ZNF44: variants seen among roughly 807,000 people sequenced by gnomAD.
ZNF44 encodes gonadotropin inducible transcription repressor-2.
In ZNF44, 9 loss-of-function variants were observed where a neutral mutation model predicts 11.7. The observed-to-expected ratio is 0.77, with a 90% CI of 0.46 to 1.35. ZNF44 has a LOEUF of 1.35. Among genes scored for constraint, ZNF44 ranks in the 40% most tolerant of loss-of-function variants. The pLI, the probability that ZNF44 is intolerant of heterozygous loss-of-function variation, is 0.00. For missense variants in ZNF44, 696 were observed against 743.1 expected, an observed-to-expected ratio of 0.94 and a Z score of 0.74; for synonymous variants, 224 against 242.7, an observed-to-expected ratio of 0.92 and a Z score of 0.72.
downstream of ZNF44, among the ~76,000 whole-genome samples, chr19:12,244,216 T>C (rs1916706913): frequency 6.6e-6 from 1 of 152,168 alleles, no homozygotes; most frequent in African/African-American, 2.4e-5. Context: ...GAAGTCTCCC[T>C]ATGTCGCCCA....
chr19:12,266,589 G>A (rs73004261), intron 5 of ZNF44, among the ~76,000 whole-genome samples: 27,679 of 152,094 alleles, frequency 0.18, 2,603 homozygotes, highest in East Asian at 0.27. Flanking sequence ...GGTAAGGCAA[G>A]CGCCTGAGAG....
chr19:12,256,055 A>C (rs886797609), intron 5 of ZNF44, among the ~76,000 whole-genome samples: 16 of 146,390 alleles, frequency 1.1e-4, no homozygotes, highest in African/African-American at 3.5e-4. Context: ...AAAAAAAAAA[A>C]AAAAAAAAAC....
At position 12,294,678 on chromosome 19, in the gene ZNF44, C is replaced by A. The variant is rs1165085130; in HGVS notation, c.3+14G>T. On this transcript the variant is annotated intron_variant, in intron 1 of 3. Coordinates refer to ENST00000355684, the MANE Select transcript of ZNF44 (RefSeq NM_016264.4). ...CTTCGCCCTGCCTCAGGACGCCGGG[C>A]CCCGCACACTCACCATTTCCCGGCT... 7 of 1,560,412 alleles carry A rather than the reference C, an allele frequency of 4.5e-6. No homozygotes were observed. In the East Asian group the frequency reaches 1.2e-4, roughly 27 times the overall value.
chr19:12,274,972 C>T lies in ZNF44; in HGVS notation c.191+1G>A. Reference sequence around the variant, plus strand: ...ACCTGTCTCTTATAAGTACAAATTACCTTGGATTTCTCCTGAGATTTTGGT... The same window carrying T: ...ACCTGTCTCTTATAAGTACAAATTATCTTGGATTTCTCCTGAGATTTTGGT... On this transcript the variant is annotated splice_donor_variant, in intron 3 of 3. Coordinates refer to ENST00000355684, the MANE Select transcript of ZNF44 (RefSeq NM_016264.4). LOFTEE classifies it high-confidence loss of function. 6.3e-7 allele frequency: 1 copy of T among 1,585,282 alleles called. No individual in the cohort carries two copies. Among genetic ancestry groups the T allele is most frequent in the Non-Finnish European group, 8.6e-7 (1 of 1,164,810 alleles).
At chr19:12,283,394 T>G (rs893886274) in intron 1 of ZNF44, among the ~76,000 whole-genome samples, 10 of 152,192 alleles carry the variant, frequency 6.6e-5, no homozygotes, top group Non-Finnish European at 5.9e-5. Flanking sequence ...AGTGGCGTGA[T>G]CTTGGCTCAC....
chr19:12,269,725 A>AG (rs1966895475), downstream of ZNF44, among the ~76,000 whole-genome samples: 1 of 152,170 alleles, frequency 6.6e-6, no homozygotes, highest in Admixed American at 6.5e-5. Context: ...ACTATACATG[A>AG]GTTAATTTGG....
chr19:12,236,597 A>G (rs1403750197), intron 1 of ZNF44, among the ~76,000 whole-genome samples: 1 of 152,144 alleles, frequency 6.6e-6, no homozygotes, highest in Non-Finnish European at 1.5e-5. Flanking sequence ...TGCAAGTTAA[A>G]TATTTCACTG....
chr19:12,237,050 T>C lies in ZNF44; in HGVS notation n.138+402A>G, dbSNP rs1599487235. ...TATTCATGAATTGCTCTTGGCTAAA[T>C]AGTTAAATATTTAACGGTGCTGCAT... On this transcript the variant is annotated intron_variant and non_coding_transcript_variant, in intron 1 of 3. Coordinates refer to the ZNF44 transcript ENST00000597563. 1.3e-5 allele frequency: 2 copies of C among 152,380 alleles called. 1 individual carries two copies. Among genetic ancestry groups the C allele is most frequent in the South Asian group, 4.1e-4 (2 of 4,830 alleles). 9.4% of individuals were successfully genotyped at this position (152,380 alleles called of 1,614,324 possible).
chr19:12,294,688 T>A lies in ZNF44; in HGVS notation c.3+4A>T. The A allele has an allele frequency of 6.4e-7, 1 of 1,561,926 alleles. No individual in the cohort carries two copies. The highest frequency in any genetic ancestry group is 8.7e-7 in the Non-Finnish European group (1 of 1,154,172). ...CCTCAGGACGCCGGGCCCCGCACACTCACCATTTCCCGGCTGTGCGGTGTC... is the reference window on the plus strand; with the variant it reads ...CCTCAGGACGCCGGGCCCCGCACACACACCATTTCCCGGCTGTGCGGTGTC... On this transcript the variant is annotated splice_donor_region_variant and intron_variant, in intron 1 of 3. Coordinates refer to ENST00000355684, the MANE Select transcript of ZNF44 (RefSeq NM_016264.4).
chr19:12,287,957 T>C (rs1967834914), intron 1 of ZNF44, among the ~76,000 whole-genome samples: 1 of 152,168 alleles, frequency 6.6e-6, no homozygotes, highest in Admixed American at 6.5e-5. Flanking sequence ...CAATGACAAA[T>C]TCAGAGTTAT....
chr19:12,234,381 T>C (rs1916293974), intron 2 of ZNF44, among the ~76,000 whole-genome samples: 2 of 152,220 alleles, frequency 1.3e-5, no homozygotes, highest in South Asian at 4.1e-4. Flanking sequence ...CCTCAAGGGA[T>C]TTTCCTCTTG....
chr19:12,225,792 A>G (rs936489484), downstream of ZNF44, among the ~76,000 whole-genome samples: 3 of 152,186 alleles, frequency 2.0e-5, no homozygotes, highest in African/African-American at 7.2e-5. Flanking sequence ...TAGGGGTGAG[A>G]CTGAATAGGA....
intron 3 of ZNF44, among the ~76,000 whole-genome samples, chr19:12,274,516 C>T (rs1045651726): frequency 2.6e-5 from 4 of 151,716 alleles, no homozygotes; most frequent in African/African-American, 4.8e-5. Context: ...CTCGTGGATC[C>T]ACCCACCTCG....
rs138751496 is a variant in ZNF44, at chr19:12,265,529, C to T, written c.1912+6958G>A. Among the ~76,000 whole-genome samples the T allele has an allele frequency of 7.9e-4, 120 of 152,294 alleles. 1 individual carries two copies. The highest frequency in any genetic ancestry group is 2.8e-3 in the African/African-American group (116 of 41,556). On this transcript the variant is annotated intron_variant and NMD_transcript_variant, in intron 5 of 7. Transcript: ENST00000393337. ...TTACATTTACCTAAATACTAACACA[C>T]AATCGAGTCGACGTTTTCAAGGTGA...
At position 12,287,030 on chromosome 19, in the gene ZNF44, T is replaced by TAC. The variant is rs899550234; in HGVS notation, c.3+7660_3+7661dup. Among the ~76,000 whole-genome samples the TAC allele has an allele frequency of 2.4e-3, 341 of 142,070 alleles. 1 individual carries two copies. The highest frequency in any genetic ancestry group is 5.2e-3 in the South Asian group (24 of 4,606). 93.2% of individuals were successfully genotyped at this position (142,070 alleles called of 152,430 possible). On this transcript the variant is annotated intron_variant, in intron 1 of 3. Coordinates refer to ENST00000355684, the MANE Select transcript of ZNF44 (RefSeq NM_016264.4). ...TGTGCATTCCTTTTATATATATATA[T>TAC]ACACACACACACACACGTATAATAT...
chr19:12,267,840 T>TA (rs1917789004), downstream of ZNF44, among the ~76,000 whole-genome samples: 2 of 151,160 alleles, frequency 1.3e-5, no homozygotes, highest in Admixed American at 6.6e-5. Flanking sequence ...TGTCTTTTTT[T>TA]TTTTTTTAAT....
chr19:12,225,788 T>C (rs1915889422), downstream of ZNF44, among the ~76,000 whole-genome samples: 1 of 152,172 alleles, frequency 6.6e-6, no homozygotes, highest in South Asian at 2.1e-4. Flanking sequence ...GAGGTAGGGG[T>C]GAGACTGAAT....
chr19:12,260,402 C>A, intron 5 of ZNF44: 1 of 1,438,022 alleles, frequency 7.0e-7, no homozygotes, highest in Non-Finnish European at 9.6e-7. Context: ...TCAGCAGCAT[C>A]AGACACATGA....
At chr19:12,293,204 A>T (rs1968091812) in intron 1 of ZNF44, 2 of 1,530,970 alleles carry the variant, frequency 1.3e-6, no homozygotes, top group East Asian at 2.5e-5. Flanking sequence ...GATATACCAG[A>T]AGATTCCTCC....
Sources: allele counts gnomAD v4.1 joint callset (sites outside exome capture counted in the v4.1 genomes callset), GRCh38; gene constraint gnomAD v4.1.1; transcripts MANE v1.5; gene names NCBI Gene and HGNC (gene_info 2026-07-23, HGNC 2026-07-21).